Variants in ABCA9 observed in about 807,000 individuals in gnomAD.
ABCA9 encodes the protein ATP-binding cassette sub-family A member 9.
Under a neutral mutation model 205.3 loss-of-function variants are expected in ABCA9, and 183 were observed. That is an observed-to-expected ratio of 0.89 (90% CI 0.79 to 1.01). The LOEUF (loss-of-function observed/expected upper bound fraction) is 1.01, where lower values mean the gene tolerates loss of function less well. ABCA9 is among the 50% of genes least tolerant of loss of function. ABCA9 has a pLI of 0.00. For missense variants in ABCA9, 1,805 were observed against 1,912.4 expected (o/e 0.94, Z 1.05); for synonymous variants, 651 against 683.3 (o/e 0.95, Z 0.74).
chr17:69,061,181 A>G, upstream of ABCA9: 1 of 982,344 alleles, frequency 1.0e-6, no homozygotes. Flanking sequence ...GGAACTATCA[A>G]ACCAAGGAGA....
intron 2 of ABCA9, among the ~76,000 whole-genome samples, chr17:69,050,062 A>G (rs566293428): frequency 3.2e-4 from 48 of 152,226 alleles, no homozygotes; most frequent in African/African-American, 1.1e-3. Context: ...GATACTACAC[A>G]TAAGTCCTTT....
At chr17:69,072,515 G>C in the ABCA9 span, among the ~76,000 whole-genome samples, 2 of 151,834 alleles carry the variant, frequency 1.3e-5, no homozygotes, top group Admixed American at 1.3e-4. Flanking sequence ...AAGTGAAGGA[G>C]AAATAAAATC....
At chr17:69,077,389 T>C in the ABCA9 span, among the ~76,000 whole-genome samples, 1 of 152,222 alleles carries the variant, frequency 6.6e-6, no homozygotes, top group Non-Finnish European at 1.5e-5. Context: ...TGATTTCAAC[T>C]TTTTAAAATG....
intron 5 of ABCA9, 149 bp from the exon 6 acceptor site, chr17:69,043,864 G>A: frequency 1.4e-6 from 1 of 701,676 alleles, no homozygotes; most frequent in Non-Finnish European, 2.3e-6. Context: ...TGTGGTTCCT[G>A]GAACACTTTA....
chr17:69,041,070 T>G (rs2071519197), intron 6 of ABCA9, among the ~76,000 whole-genome samples: 1 of 152,194 alleles, frequency 6.6e-6, no homozygotes, highest in Admixed American at 6.5e-5. Flanking sequence ...TTAAATGAAA[T>G]TATTTATTTT....
chr17:69,071,319 G>C, the ABCA9 span, among the ~76,000 whole-genome samples: 3 of 152,310 alleles, frequency 2.0e-5, no homozygotes, highest in Admixed American at 6.5e-5. Flanking sequence ...AGCAGGGGTT[G>C]ACAGACAGCT....
chr17:69,004,246 G>A (rs1262763635), intron 25 of ABCA9, among the ~76,000 whole-genome samples: 1 of 152,172 alleles, frequency 6.6e-6, no homozygotes, highest in Non-Finnish European at 1.5e-5. Context: ...CATCTTTGTG[G>A]TTTTATCTAC....
Position 69,032,106 on chromosome 17 carries a change from A to G in ABCA9, c.1445+2T>C, listed in dbSNP as rs748472481. 6.8e-6 allele frequency: 11 copies of G among 1,606,166 alleles called. No homozygotes were observed. The highest frequency in any genetic ancestry group is 9.4e-6 in the Non-Finnish European group (11 of 1,176,398). ...GGTGCCTCCAAGTAATTTATTGGTTACCTGATGGCTTCTTTCCCACAGAAT... is the reference window on the plus strand; with the variant it reads ...GGTGCCTCCAAGTAATTTATTGGTTGCCTGATGGCTTCTTTCCCACAGAAT... On this transcript the variant is annotated splice_donor_variant, in intron 10 of 38. Transcript: ENST00000340001. LOFTEE classifies it high-confidence loss of function.
chr17:69,006,860 T>C lies in ABCA9; in HGVS notation c.3435+899A>G, dbSNP rs539193544. Among the ~76,000 whole-genome samples the C allele has an allele frequency of 6.6e-5, 10 of 152,250 alleles. No homozygotes were observed. The South Asian group carries it at 1.5e-3, about 22-fold the overall frequency. ...ATCTCATTGGATATTATATAGAAAA[T>C]AGTTCACAGGAGGCAAGAGTAGAAA... On this transcript the variant is annotated intron_variant, in intron 25 of 38. Coordinates refer to ENST00000340001, the MANE Select transcript of ABCA9 (RefSeq NM_080283.4).
Position 69,021,728 on chromosome 17 carries a change from T to G in ABCA9, c.2401+14A>C, listed in dbSNP as rs1310019586. 1.3e-6 allele frequency: 2 copies of G among 1,493,884 alleles called. No homozygotes were observed. The highest frequency in any genetic ancestry group is 1.8e-6 in the Non-Finnish European group (2 of 1,096,230). The allele number at this position is 1,493,884 out of a possible 1,614,324, so 92.5% of individuals were successfully genotyped here. A position where few individuals can be genotyped will look rare whatever the true frequency, so the allele number is the denominator to read the frequency against. On this transcript the variant is annotated intron_variant, in intron 18 of 38. Transcript: ENST00000340001. ...TTCTTTCTCCCTTTCTTTCTCTTTCTTATTTTTTCTTACCTGATTCATCAA... is the reference window on the plus strand; with the variant it reads ...TTCTTTCTCCCTTTCTTTCTCTTTCGTATTTTTTCTTACCTGATTCATCAA...
chr17:69,020,515 C>G lies in ABCA9; in HGVS notation c.2473G>C (p.Val825Leu). 6.2e-7 allele frequency: 1 copy of G among 1,614,118 alleles called. No individual in the cohort carries two copies. The highest frequency in any genetic ancestry group is 2.2e-5 in the East Asian group (1 of 44,884). Residue 825 changes from valine (V) to leucine (L), a missense_variant, in exon 19 of 39, where the codon GTT becomes CTT. By Grantham distance (32) the Val-to-Leu change is conservative (BLOSUM62 1). Coordinates refer to ENST00000340001, the MANE Select transcript of ABCA9 (RefSeq NM_080283.4). ...CTTGTTTCGTGGAAGGAAGACAAAA[C>G]TTGTTCCAGCTCAACAAGGCTTCCT... is the stretch of plus-strand genomic sequence containing the variant. ...DIGSLVELEQ[V>L]LSSFHETRKT...
intron 10 of ABCA9, among the ~76,000 whole-genome samples, chr17:69,029,542 A>G (rs2071094954): frequency 6.6e-6 from 1 of 152,182 alleles, no homozygotes; most frequent in African/African-American, 2.4e-5. Flanking sequence ...CTGAAGATAA[A>G]ATCAGTGGTG....
intron 21 of ABCA9, 81 bp from the exon 22 acceptor site, chr17:69,016,471 CAA>C: frequency 1.6e-6 from 2 of 1,274,478 alleles, no homozygotes; most frequent in South Asian, 3.3e-5. Context: ...GAAAATCATT[CAA>C]GTTACTGATA....
chr17:69,032,001 TG>T lies in ABCA9; in HGVS notation c.1445+106del. ...ATGAGTGCAGCAGGCTGGCTGTAGG[TG>T]GGTACAGAGGGCACAGAAGGCGATC... On this transcript the variant is annotated intron_variant, in intron 10 of 38. Transcript: ENST00000340001. 3.0e-6 allele frequency: 3 copies of T among 999,532 alleles called. 1 individual carries two copies. The South Asian group carries it at 4.9e-5, about 16-fold the overall frequency. 61.9% of individuals were successfully genotyped at this position (999,532 alleles called of 1,614,324 possible).
intron 1 of ABCA9, among the ~76,000 whole-genome samples, chr17:69,059,753 A>G (rs762496195): frequency 2.0e-5 from 3 of 151,962 alleles, no homozygotes; most frequent in Non-Finnish European, 4.4e-5. Flanking sequence ...AGGCCTGAGA[A>G]CAAGACAGGA....
chr17:68,984,803 T>G lies in ABCA9; in HGVS notation c.4379+82A>C, dbSNP rs1598330741. On this transcript the variant is annotated intron_variant, in intron 34 of 38. Coordinates refer to ENST00000340001, the MANE Select transcript of ABCA9 (RefSeq NM_080283.4). ...TTTTCCTGATACTGTGTCTTTTCCTTTCTAAGTAAACAATGATTTTGCAGG... is the reference window on the plus strand; with the variant it reads ...TTTTCCTGATACTGTGTCTTTTCCTGTCTAAGTAAACAATGATTTTGCAGG... 9.6e-6 allele frequency: 15 copies of G among 1,570,192 alleles called. No individual in the cohort carries two copies. In the East Asian group the frequency reaches 2.9e-4, roughly 31 times the overall value.
intron 22 of ABCA9, among the ~76,000 whole-genome samples, chr17:69,012,699 T>A (rs2070425765): frequency 6.6e-6 from 1 of 152,162 alleles, no homozygotes; most frequent in African/African-American, 2.4e-5. Flanking sequence ...GAATGGGGTA[T>A]CCATACCCTC....
At chr17:68,990,072 G>C in intron 29 of ABCA9, 142 bp from the exon 30 acceptor site, 1 of 675,196 alleles carries the variant, frequency 1.5e-6, no homozygotes, top group East Asian at 2.6e-5. Context: ...ATTTTCAAGT[G>C]AACTCTTACA....
intron 23 of ABCA9, 178 bp downstream of exon 23, chr17:69,011,798 T>A: frequency 2.1e-6 from 1 of 479,352 alleles, no homozygotes; most frequent in Non-Finnish European, 3.7e-6. Context: ...AGGTCTCACA[T>A]TTGTTTCAGA....
Sources: gnomAD v4.1 joint callset for allele counts (sites outside exome capture counted in the v4.1 genomes callset) on GRCh38, gnomAD v4.1.1 for gene constraint, MANE v1.5 for transcripts, NCBI Gene and HGNC (gene_info 2026-07-23, HGNC 2026-07-21) for gene names.